The following MACROD2 variants were observed in gnomAD, a reference collection of about 807,000 sequenced individuals.
MACROD2 encodes the protein ADP-ribose glycohydrolase MACROD2.
In MACROD2, 36 loss-of-function variants were observed where a neutral mutation model predicts 70.4. That is an observed-to-expected ratio of 0.51 (90% CI 0.39 to 0.68). The LOEUF is 0.68. Ranked by LOEUF, MACROD2 falls within the 30% of genes least tolerant of loss-of-function variation. The pLI, the probability that MACROD2 is intolerant of heterozygous loss-of-function variation, is 0.00. For synonymous variants in MACROD2, 172 were observed against 178.8 expected, an observed-to-expected ratio of 0.96 and a Z score of 0.30; for missense variants, 496 against 538.4, an observed-to-expected ratio of 0.92 and a Z score of 0.78.
At chr20:14,151,386 C>T (rs2055018407) in intron 3 of MACROD2, among the ~76,000 whole-genome samples, 1 of 151,980 alleles carries the variant, frequency 6.6e-6, no homozygotes, top group Admixed American at 6.6e-5. Context: ...TTTGTGTGTT[C>T]TACTACAGAA....
At chr20:15,234,093 G>A (rs1315763299) in intron 6 of MACROD2, among the ~76,000 whole-genome samples, 3 of 117,942 alleles carry the variant, frequency 2.5e-5, no homozygotes, top group Non-Finnish European at 5.1e-5. Context: ...GTGCAGTGGC[G>A]CAATCTCGGC....
At chr20:14,837,255 G>C (rs2073039867) in intron 5 of MACROD2, among the ~76,000 whole-genome samples, 1 of 151,994 alleles carries the variant, frequency 6.6e-6, no homozygotes. Context: ...TGGGCTATGA[G>C]TGAATATCTT....
chr20:14,463,666 G>A lies in MACROD2; in HGVS notation c.272-29813G>A, dbSNP rs951642929. On this transcript the variant is annotated intron_variant, in intron 3 of 17. Transcript: ENST00000684519. Reference sequence around the variant, plus strand: ...GCCCATTCAGTATGATATTGGCTGTGGGTTTGTCATAGATAGCTCTTATTA... The same window carrying A: ...GCCCATTCAGTATGATATTGGCTGTAGGTTTGTCATAGATAGCTCTTATTA... 9.9e-5 allele frequency among the ~76,000 whole-genome samples: 15 copies of A among 152,156 alleles called. No homozygotes were observed. The Middle Eastern group carries it at 0.01, about 104-fold the overall frequency.
At chr20:15,016,601 C>CCT (rs1403904351) in intron 5 of MACROD2, among the ~76,000 whole-genome samples, 2 of 151,708 alleles carry the variant, frequency 1.3e-5, no homozygotes, top group African/African-American at 2.4e-5. Context: ...GCACGTCCCC[C>CCT]CTCTCTCTCT....
chr20:14,751,704 C>A (rs2071873162), intron 5 of MACROD2, among the ~76,000 whole-genome samples: 1 of 152,116 alleles, frequency 6.6e-6, no homozygotes, highest in South Asian at 2.1e-4. Context: ...AGCAGAAGCA[C>A]AAGAGGGCAA....
At chr20:14,751,314 C>CT (rs2071866613) in intron 5 of MACROD2, among the ~76,000 whole-genome samples, 8 of 113,574 alleles carry the variant, frequency 7.0e-5, no homozygotes, top group Admixed American at 5.6e-4. Context: ...TCAGTTCCTC[C>CT]CTTTTTTTTT....
At position 15,588,073 on chromosome 20, in the gene MACROD2, C is replaced by T. The variant is rs144998917; in HGVS notation, c.645+88226C>T. Among the ~76,000 whole-genome samples the T allele has an allele frequency of 9.4e-3, 1,435 of 152,350 alleles. 11 individuals are homozygous for T. Among genetic ancestry groups the T allele is most frequent in the Non-Finnish European group, 0.014 (931 of 68,030 alleles). ...CTCCTGCAGCAAACTTCTGTCTGGG[C>T]ATCCAGGTGTTTCCATACATCTTCT... is the stretch of plus-strand genomic sequence containing the variant. On this transcript the variant is annotated intron_variant, in intron 8 of 17. Transcript: ENST00000684519.
intron 3 of MACROD2, among the ~76,000 whole-genome samples, chr20:14,394,633 A>G (rs2083562669): frequency 6.6e-6 from 1 of 152,186 alleles, no homozygotes; most frequent in African/African-American, 2.4e-5. Context: ...ACAATGCTGA[A>G]TAGCAGCGGT....
intron 5 of MACROD2, among the ~76,000 whole-genome samples, chr20:14,771,935 A>G (rs1449444155): frequency 6.6e-6 from 1 of 151,974 alleles, no homozygotes; most frequent in African/African-American, 2.4e-5. Context: ...ATCACCTCAC[A>G]CCTTTTCAGG....
chr20:15,956,923 C>T (rs1295803408), intron 12 of MACROD2, among the ~76,000 whole-genome samples: 5 of 152,096 alleles, frequency 3.3e-5, no homozygotes, highest in Admixed American at 2.0e-4. Context: ...AAAGATTTAC[C>T]GTAGAATCTG....
intron 4 of MACROD2, among the ~76,000 whole-genome samples, chr20:14,539,723 C>A (rs1450556696): frequency 6.6e-6 from 1 of 152,212 alleles, no homozygotes; most frequent in Non-Finnish European, 1.5e-5. Context: ...GCACTGATAA[C>A]TCAAAGATAA....
At chr20:14,184,240 C>T (rs2081327003) in intron 3 of MACROD2, among the ~76,000 whole-genome samples, 1 of 152,142 alleles carries the variant, frequency 6.6e-6, no homozygotes, top group Non-Finnish European at 1.5e-5. Flanking sequence ...TTTCAATCTT[C>T]TGCATATGGC....
chr20:15,964,495 T>C (rs1289495493), intron 12 of MACROD2, among the ~76,000 whole-genome samples: 1 of 152,126 alleles, frequency 6.6e-6, no homozygotes, highest in Non-Finnish European at 1.5e-5. Flanking sequence ...CCGATCACCT[T>C]CCTAAGGCCC....
chr20:14,061,324 T>C (rs2053688177), intron 2 of MACROD2, among the ~76,000 whole-genome samples: 1 of 152,182 alleles, frequency 6.6e-6, no homozygotes, highest in Admixed American at 6.5e-5. Context: ...CATGAAAATA[T>C]GTGAAAAAGT....
rs993697507 is a variant in MACROD2, at chr20:15,134,870, G to T, written c.419-95070G>T. The stretch of plus-strand genomic sequence containing the variant: ...GAATCAAATAGACACAATAAAAAAT[G>T]ATAAAGGGGATATCACCACCGATCC... On this transcript the variant is annotated intron_variant, in intron 5 of 17. Coordinates refer to ENST00000684519, the MANE Select transcript of MACROD2 (RefSeq NM_001351661.2). Among the ~76,000 whole-genome samples the T allele has an allele frequency of 8.4e-3, 1,284 of 152,064 alleles. 17 individuals carry two copies. Among genetic ancestry groups the T allele is most frequent in the African/African-American group, 0.03 (1,229 of 41,484 alleles).
intron 5 of MACROD2, among the ~76,000 whole-genome samples, chr20:15,186,305 C>G (rs1360699821): frequency 1.3e-5 from 2 of 152,140 alleles, no homozygotes; most frequent in Non-Finnish European, 2.9e-5. Context: ...AACTAGCACC[C>G]AGGTTCTGTT....
At chr20:14,803,051 T>C (rs775733652) in intron 5 of MACROD2, among the ~76,000 whole-genome samples, 1 of 152,100 alleles carries the variant, frequency 6.6e-6, no homozygotes, top group Admixed American at 6.5e-5. Context: ...GGCCCACCAG[T>C]TCCCACTACA....
intron 15 of MACROD2, among the ~76,000 whole-genome samples, chr20:15,996,266 C>CAGCACCTT (rs2066630994): frequency 6.6e-6 from 1 of 152,052 alleles, no homozygotes; most frequent in Non-Finnish European, 1.5e-5. Context: ...TAGTAATGTT[C>CAGCACCTT]AGCACCTTAT....
At chr20:15,877,541 A>T (rs374067231) in intron 9 of MACROD2, among the ~76,000 whole-genome samples, 90 of 152,230 alleles carry the variant, frequency 5.9e-4, no homozygotes, top group Middle Eastern at 3.4e-3. Flanking sequence ...AGATGCAGTG[A>T]GTCCAGGTAT....
Sources: gnomAD v4.1 joint callset for allele counts (sites outside exome capture counted in the v4.1 genomes callset) on GRCh38, gnomAD v4.1.1 for gene constraint, MANE v1.5 for transcripts, NCBI Gene and HGNC (gene_info 2026-07-23, HGNC 2026-07-21) for gene names.